Variants in CCDC171 observed in about 807,000 individuals in gnomAD.
The protein encoded by CCDC171 is coiled-coil domain containing 171.
In CCDC171, 177 loss-of-function variants were observed where a neutral mutation model predicts 168.2. The observed-to-expected ratio is 1.05, with a 90% CI of 0.93 to 1.19. The LOEUF is 1.19. Ranked by LOEUF, CCDC171 falls within the 50% of genes most tolerant of loss-of-function variation. The pLI is 0.00. For missense variants in CCDC171, 1,991 were observed against 1,539.0 expected, an observed-to-expected ratio of 1.29 and a Z score of -4.91; for synonymous variants, 687 against 540.8, an observed-to-expected ratio of 1.27 and a Z score of -3.75.
At position 15,572,061 on chromosome 9, in the gene CCDC171, T is replaced by C. The variant is rs545002960; in HGVS notation, c.177+302T>C. ...TAAAGGATTTGTAAATCAGACATTT[T>C]TGAAATCATAATGTAGGTTCCTTTA... On this transcript the variant is annotated intron_variant, in intron 3 of 25. Transcript: ENST00000380701. Among the ~76,000 whole-genome samples the C allele has an allele frequency of 1.3e-3, 195 of 152,310 alleles. 2 individuals are homozygous for C. Among genetic ancestry groups the C allele is most frequent in the Middle Eastern group, 6.8e-3 (2 of 292 alleles).
chr9:15,689,112 C>A (rs914724626), intron 10 of CCDC171, among the ~76,000 whole-genome samples: 1 of 151,682 alleles, frequency 6.6e-6, no homozygotes, highest in East Asian at 1.9e-4. Context: ...ATTCTATTGA[C>A]AATAAAATAA....
At chr9:15,795,946 A>G (rs1269925275) in intron 21 of CCDC171, among the ~76,000 whole-genome samples, 1 of 152,248 alleles carries the variant, frequency 6.6e-6, no homozygotes, top group Non-Finnish European at 1.5e-5. Context: ...GAAAATGTTC[A>G]ATTAGGGATG....
At chr9:15,638,096 A>G (rs1056307235) in intron 7 of CCDC171, among the ~76,000 whole-genome samples, 3 of 152,112 alleles carry the variant, frequency 2.0e-5, no homozygotes, top group African/African-American at 7.2e-5. Flanking sequence ...CTGCTGTGTA[A>G]ATACTTTTGA....
chr9:15,583,426 G>T (rs1007755440), intron 4 of CCDC171, among the ~76,000 whole-genome samples: 3 of 127,720 alleles, frequency 2.3e-5, no homozygotes, highest in Non-Finnish European at 3.4e-5. Context: ...AAAAAAAAAA[G>T]AAAATGTGCT....
rs34754760 is a variant in CCDC171, at chr9:15,578,887, C to T, written c.216C>T (p.Ser72=). The change falls in exon 4 of 26, where the codon TCC becomes TCT. Residue 72 remains serine, a synonymous_variant. Coordinates refer to ENST00000380701, the MANE Select transcript of CCDC171 (RefSeq NM_173550.4). ...SYESQIAKLR[S]EVEKGEALRQ... ...AGAGCCAGATTGCCAAGCTACGGTC[C>T]GAGGTTGAAAAGGGAGAAGCATTGC... 1.5e-3 allele frequency: 2,356 copies of T among 1,613,650 alleles called. 32 individuals are homozygous for T. The African/African-American group carries it at 0.027, about 18-fold the overall frequency.
At chr9:15,666,697 C>T (rs994198525) in intron 9 of CCDC171, among the ~76,000 whole-genome samples, 1 of 152,088 alleles carries the variant, frequency 6.6e-6, no homozygotes, top group Non-Finnish European at 1.5e-5. Flanking sequence ...TAGTGGTGTG[C>T]ACCTGTAGTC....
At position 15,623,513 on chromosome 9, in the gene CCDC171, C is replaced by T. The variant is rs59254174; in HGVS notation, c.822+100C>T. 5,520 of 317,830 alleles carry T rather than the reference C, an allele frequency of 0.017. 272 individuals carry two copies. The African/African-American group carries it at 0.18, about 10-fold the overall frequency. 19.7% of individuals were successfully genotyped at this position (317,830 alleles called of 1,614,324 possible). ...CACACACACACACACACACATAAAA[C>T]CCATTCCGTGATTTAAGATTGGAGA... On this transcript the variant is annotated intron_variant, in intron 7 of 25. Transcript: ENST00000380701.
At chr9:15,629,153 C>T (rs1317473303) in intron 7 of CCDC171, among the ~76,000 whole-genome samples, 3 of 152,156 alleles carry the variant, frequency 2.0e-5, no homozygotes, top group Admixed American at 6.5e-5. Flanking sequence ...TGCAGTTCCT[C>T]ACCAGCAACG....
chr9:15,729,515 ATATAGTAGGACATTTTGGG>A (rs1340768608), intron 15 of CCDC171, 76 bp from the exon 16 acceptor site: 1 of 675,236 alleles, frequency 1.5e-6, no homozygotes, highest in African/African-American at 1.8e-5. Flanking sequence ...AAGGAATAAA[ATATAGTAGGACATTTTGGG>A]TATTTTATTG....
chr9:15,820,300 C>G (rs1333247445), intron 21 of CCDC171, among the ~76,000 whole-genome samples: 1 of 116,236 alleles, frequency 8.6e-6, no homozygotes, highest in East Asian at 2.1e-4. Flanking sequence ...CAAGAGCAAA[C>G]ACATTCAAAA....
At chr9:16,003,266 G>A (rs1832607857) in intron 3 of CCDC171, among the ~76,000 whole-genome samples, 1 of 152,130 alleles carries the variant, frequency 6.6e-6, no homozygotes, top group Non-Finnish European at 1.5e-5. Context: ...CACATTGAAG[G>A]TGATGGGACT....
rs148532977 is a variant in CCDC171 at position 15,879,142 on chromosome 9, A to C, written c.3600+4479A>C. On this transcript the variant is annotated intron_variant, in intron 24 of 25. Coordinates refer to ENST00000380701, the MANE Select transcript of CCDC171 (RefSeq NM_173550.4). Reference sequence around the variant, plus strand: ...ATAAAAGTTAAAAAAAATCATTTGAAATTCTGCCATTCAGACACAACCAAT... The same window carrying C: ...ATAAAAGTTAAAAAAAATCATTTGACATTCTGCCATTCAGACACAACCAAT... Among the ~76,000 whole-genome samples, 877 of 152,312 alleles carry C rather than the reference A, an allele frequency of 5.8e-3. 11 individuals are homozygous for C. Among genetic ancestry groups the C allele is most frequent in the African/African-American group, 0.02 (847 of 41,566 alleles).
chr9:15,671,330 GT>G (rs983832963), intron 9 of CCDC171, among the ~76,000 whole-genome samples: 19 of 149,158 alleles, frequency 1.3e-4, no homozygotes, highest in African/African-American at 4.2e-4. Context: ...GTCTGGAAAA[GT>G]TTTTTTTTTA....
At chr9:15,663,991 C>G (rs933163203) in intron 8 of CCDC171, among the ~76,000 whole-genome samples, 1 of 152,140 alleles carries the variant, frequency 6.6e-6, no homozygotes, top group Non-Finnish European at 1.5e-5. Context: ...AGGCCATTAT[C>G]TTAAGCGAAA....
At chr9:15,839,889 T>C (rs149973610) in intron 21 of CCDC171, among the ~76,000 whole-genome samples, 55 of 152,276 alleles carry the variant, frequency 3.6e-4, no homozygotes, top group African/African-American at 1.3e-3. Context: ...AAGAAACTTT[T>C]AAGAAAAAAC....
chr9:15,986,537 T>G (rs1237578519), intron 3 of CCDC171, among the ~76,000 whole-genome samples: 1 of 152,192 alleles, frequency 6.6e-6, no homozygotes, highest in Non-Finnish European at 1.5e-5. Flanking sequence ...TAACCTGCTC[T>G]CGTAAAAATC....
intron 8 of CCDC171, among the ~76,000 whole-genome samples, chr9:15,660,248 T>C (rs1284231616): frequency 1.3e-5 from 2 of 152,230 alleles, no homozygotes; most frequent in Admixed American, 1.3e-4. Context: ...TAAGATCAGG[T>C]CACTAAAGTG....
At chr9:15,710,236 A>T (rs1488149608) in intron 11 of CCDC171, among the ~76,000 whole-genome samples, 1 of 152,164 alleles carries the variant, frequency 6.6e-6, no homozygotes, top group Admixed American at 6.5e-5. Context: ...TAGTATGCAG[A>T]GAAGGTCTAG....
intron 1 of CCDC171, among the ~76,000 whole-genome samples, chr9:16,047,432 C>G (rs371641682): frequency 2.7e-4 from 41 of 152,292 alleles, no homozygotes; most frequent in African/African-American, 8.7e-4. Context: ...TCTTCACTAC[C>G]TCCTGCCACT....
Sources: gnomAD v4.1 joint callset for allele counts (sites outside exome capture counted in the v4.1 genomes callset) on GRCh38, gnomAD v4.1.1 for gene constraint, MANE v1.5 for transcripts, NCBI Gene and HGNC (gene_info 2026-07-23, HGNC 2026-07-21) for gene names.